GDAP1: variants seen among roughly 807,000 people sequenced by gnomAD.
GDAP1 encodes the protein ganglioside-induced differentiation-associated protein 1.
GDAP1 carries 34 observed loss-of-function variants against 40.1 expected under a neutral mutation model. The observed-to-expected ratio is 0.85, with a 90% confidence interval of 0.64 to 1.13. GDAP1 has a LOEUF of 1.13. GDAP1 is among the 50% of genes most tolerant of loss of function. The pLI, the probability that GDAP1 is intolerant of heterozygous loss-of-function variation, is 0.00. For missense variants in GDAP1, 374 were observed against 433.7 expected (o/e 0.86, Z 1.22); for synonymous variants, 170 against 157.4 (o/e 1.08, Z -0.60).
At chr8:74,394,148 T>A (rs1321298772) in intron 2 of GDAP1, among the ~76,000 whole-genome samples, 2 of 152,134 alleles carry the variant, frequency 1.3e-5, no homozygotes, top group African/African-American at 4.8e-5. Context: ...GCAAGTCACG[T>A]CCTACGTGGA....
At chr8:74,466,752 T>G (rs567660117) in intron 2 of GDAP1, among the ~76,000 whole-genome samples, 1 of 152,326 alleles carries the variant, frequency 6.6e-6, no homozygotes, top group African/African-American at 2.4e-5. Flanking sequence ...CAGGGTCTGG[T>G]GTGCAGGTGA....
intron 2 of GDAP1, among the ~76,000 whole-genome samples, chr8:74,421,579 C>A (rs988622188): frequency 2.6e-5 from 4 of 152,096 alleles, no homozygotes; most frequent in Non-Finnish European, 2.9e-5. Flanking sequence ...TGATGGTAAC[C>A]ATATTGAACA....
At chr8:74,370,628 A>C (rs1024985229), downstream of GDAP1, among the ~76,000 whole-genome samples, 1 of 152,266 alleles carries the variant, frequency 6.6e-6, no homozygotes, top group African/African-American at 2.4e-5. Flanking sequence ...GGTAGACTTA[A>C]ACACACCAAA....
chr8:74,431,863 A>G (rs1274278492), intron 2 of GDAP1, among the ~76,000 whole-genome samples: 2 of 152,148 alleles, frequency 1.3e-5, no homozygotes, highest in African/African-American at 4.8e-5. Context: ...TTGTACCACC[A>G]CTTAGTAAAT....
intron 2 of GDAP1, among the ~76,000 whole-genome samples, chr8:74,371,917 TC>T (rs933992380): frequency 1.6e-4 from 13 of 83,654 alleles, no homozygotes; most frequent in African/African-American, 4.4e-4. Context: ...ATGCTACCCC[TC>T]CCCCCCCACC....
chr8:74,463,110 TCAGTTG>T, intron 2 of GDAP1, among the ~76,000 whole-genome samples: 1 of 131,686 alleles, frequency 7.6e-6, no homozygotes, highest in Non-Finnish European at 1.6e-5. Flanking sequence ...AGATTGATCC[TCAGTTG>T]TGGGCTGAAA....
intron 2 of GDAP1, among the ~76,000 whole-genome samples, chr8:74,440,200 A>G (rs889365067): frequency 1.3e-5 from 2 of 152,220 alleles, no homozygotes; most frequent in African/African-American, 2.4e-5. Flanking sequence ...CTGCAGAGTT[A>G]GCATGAGTTT....
In GDAP1 at chr8:74,360,064, GTTTTT is replaced by G. The variant is rs1253185486; in HGVS notation, c.311-72_311-68del. The G allele has an allele frequency of 5.7e-6, 6 of 1,047,650 alleles. No homozygotes were observed. The African/African-American group carries it at 9.4e-5, about 16-fold the overall frequency. 64.9% of individuals were successfully genotyped at this position (1,047,650 alleles called of 1,614,324 possible). ...AAAATGTTAATGATGAGTGGATAGT[GTTTTT>G]GTTTTGCTTTTGAGTGTAACAACTC... is the stretch of plus-strand genomic sequence containing the variant. On this transcript the variant is annotated intron_variant, in intron 2 of 5. Transcript: ENST00000220822.
At chr8:74,362,482 G>T (rs1158902603) in intron 4 of GDAP1, among the ~76,000 whole-genome samples, 2 of 152,024 alleles carry the variant, frequency 1.3e-5, no homozygotes, top group Non-Finnish European at 2.9e-5. Flanking sequence ...TTATCCTATC[G>T]TAGCTAAACG....
At chr8:74,468,478 TAC>T (rs71271804) in intron 2 of GDAP1, among the ~76,000 whole-genome samples, 24,840 of 138,778 alleles carry the variant, frequency 0.18, 2,201 homozygotes, top group Middle Eastern at 0.23. Flanking sequence ...AATGACCCCA[TAC>T]ACACACACAC....
chr8:74,413,252 G>A (rs1197365545), intron 2 of GDAP1, among the ~76,000 whole-genome samples: 1 of 149,578 alleles, frequency 6.7e-6, no homozygotes, highest in African/African-American at 2.6e-5. Flanking sequence ...AATGCACAGA[G>A]CAGCTATTTG....
chr8:74,435,079 A>C (rs1485476386), intron 2 of GDAP1, among the ~76,000 whole-genome samples: 6 of 152,240 alleles, frequency 3.9e-5, no homozygotes, highest in Non-Finnish European at 2.9e-5. Flanking sequence ...CTAACATGAA[A>C]GTAATTTGAA....
At chr8:74,487,975 A>G (rs1234316168) in intron 2 of GDAP1, among the ~76,000 whole-genome samples, 2 of 152,276 alleles carry the variant, frequency 1.3e-5, no homozygotes, top group East Asian at 3.9e-4. Flanking sequence ...CCTAAATTCA[A>G]CAGACTTGTT....
At chr8:74,445,511 T>C (rs1806216639) in intron 2 of GDAP1, among the ~76,000 whole-genome samples, 1 of 152,172 alleles carries the variant, frequency 6.6e-6, no homozygotes, top group African/African-American at 2.4e-5. Flanking sequence ...TCTACAACAT[T>C]CTAGTATTGT....
chr8:74,373,438 A>G (rs1488274899), intron 2 of GDAP1, among the ~76,000 whole-genome samples: 1 of 152,076 alleles, frequency 6.6e-6, no homozygotes, highest in Non-Finnish European at 1.5e-5. Context: ...TTCGTTGAGC[A>G]CTGGTTTGTA....
chr8:74,399,423 AT>A (rs1188714681), intron 2 of GDAP1, among the ~76,000 whole-genome samples: 27 of 149,282 alleles, frequency 1.8e-4, no homozygotes, highest in Admixed American at 1.8e-3. Flanking sequence ...TATTGTGTCT[AT>A]TTGATTCTTC....
At chr8:74,433,519 A>G (rs1022314345) in intron 2 of GDAP1, among the ~76,000 whole-genome samples, 2 of 152,200 alleles carry the variant, frequency 1.3e-5, no homozygotes, top group Admixed American at 6.5e-5. Flanking sequence ...TACTTTTTGC[A>G]TAGTCTATGC....
intron 2 of GDAP1, among the ~76,000 whole-genome samples, chr8:74,413,499 A>G (rs1805740794): frequency 6.7e-6 from 1 of 149,678 alleles, no homozygotes; most frequent in Admixed American, 6.6e-5. Context: ...GTATTTTTCT[A>G]CTGAGAATTA....
chr8:74,350,973 G>T (rs879438165), intron 1 of GDAP1, among the ~76,000 whole-genome samples: 1 of 152,142 alleles, frequency 6.6e-6, no homozygotes, highest in Non-Finnish European at 1.5e-5. Context: ...TACATGTCAG[G>T]TTCTTGTCTG....
Sources: allele counts gnomAD v4.1 joint callset (sites outside exome capture counted in the v4.1 genomes callset), GRCh38; gene constraint gnomAD v4.1.1; transcripts MANE v1.5; gene names NCBI Gene and HGNC (gene_info 2026-07-23, HGNC 2026-07-21).